The following PALM2AKAP2 variants were observed in gnomAD, a reference collection of about 807,000 sequenced individuals.
PALM2AKAP2 encodes the protein PALM2-AKAP2 fusion protein.
PALM2AKAP2 carries 37 observed loss-of-function variants against 71.5 expected under a neutral mutation model. The observed-to-expected ratio is 0.52, with a 90% confidence interval of 0.40 to 0.68. The LOEUF (loss-of-function observed/expected upper bound fraction) is 0.68, where lower values mean the gene tolerates loss of function less well. Ranked by LOEUF, PALM2AKAP2 falls within the 30% of genes least tolerant of loss-of-function variation. The pLI is 0.00. For synonymous variants in PALM2AKAP2, 468 were observed against 478.8 expected, an observed-to-expected ratio of 0.98 and a Z score of 0.29; for missense variants, 1,224 against 1,191.8, an observed-to-expected ratio of 1.03 and a Z score of -0.40.
upstream of PALM2AKAP2, among the ~76,000 whole-genome samples, chr9:109,777,522 A>G (rs1829365356): frequency 6.6e-6 from 1 of 152,198 alleles, no homozygotes; most frequent in Non-Finnish European, 1.5e-5. Context: ...GAGCTGAAAG[A>G]AGCAGTTTGT....
At chr9:109,670,255 C>G (rs1464786405) in intron 1 of PALM2AKAP2, among the ~76,000 whole-genome samples, 2 of 152,018 alleles carry the variant, frequency 1.3e-5, no homozygotes. Context: ...TTTTCCTGAT[C>G]CTCTCCCTCC....
chr9:109,970,391 G>A (rs1163395515), intron 6 of PALM2AKAP2, among the ~76,000 whole-genome samples: 5 of 152,182 alleles, frequency 3.3e-5, no homozygotes, highest in African/African-American at 1.2e-4. Context: ...CACTCACTTT[G>A]AGGAGCGCTG....
At chr9:109,912,875 G>A (rs918636075) in intron 3 of PALM2AKAP2, among the ~76,000 whole-genome samples, 39 of 152,192 alleles carry the variant, frequency 2.6e-4, no homozygotes, top group African/African-American at 9.2e-4. Context: ...ACCATGGGAC[G>A]AATTCACCCC....
chr9:109,928,138 T>C (rs1042635418), intron 5 of PALM2AKAP2, among the ~76,000 whole-genome samples: 1 of 152,228 alleles, frequency 6.6e-6, no homozygotes, highest in African/African-American at 2.4e-5. Flanking sequence ...GTTTCACTCT[T>C]GTCGCCCAGG....
At chr9:109,779,386 T>A (rs909588941), upstream of PALM2AKAP2, among the ~76,000 whole-genome samples, 15 of 152,204 alleles carry the variant, frequency 9.9e-5, no homozygotes, top group African/African-American at 3.6e-4. Flanking sequence ...TCCTTTCAGA[T>A]GCAATGAACA....
In PALM2AKAP2 at chr9:109,830,783, C is replaced by A. The variant is rs554014184; in HGVS notation, c.46-36708C>A. 1.5e-3 allele frequency among the ~76,000 whole-genome samples: 230 copies of A among 152,260 alleles called. 1 individual carries two copies. The highest frequency in any genetic ancestry group is 2.8e-3 in the Non-Finnish European group (192 of 68,022). ...ACAATCCTAAGTGGAAGGAAGAACTCCCCATGTTACCAGTGACGCAGCGGA... is the reference window on the plus strand; with the variant it reads ...ACAATCCTAAGTGGAAGGAAGAACTACCCATGTTACCAGTGACGCAGCGGA... On this transcript the variant is annotated intron_variant, in intron 1 of 9. Coordinates refer to the PALM2AKAP2 transcript ENST00000302798.
At chr9:109,681,947 A>G (rs558294776) in intron 1 of PALM2AKAP2, among the ~76,000 whole-genome samples, 45 of 152,334 alleles carry the variant, frequency 3.0e-4, no homozygotes, top group Middle Eastern at 3.4e-3. Flanking sequence ...GAACAGAAGC[A>G]TTTAAATGCC....
At chr9:109,896,648 A>G (rs937548866) in intron 3 of PALM2AKAP2, among the ~76,000 whole-genome samples, 1 of 151,942 alleles carries the variant, frequency 6.6e-6, no homozygotes, top group Admixed American at 6.6e-5. Context: ...TCATCTCTAC[A>G]AAAAATACAA....
At chr9:109,968,506 G>T (rs1032524976) in intron 6 of PALM2AKAP2, among the ~76,000 whole-genome samples, 1 of 152,132 alleles carries the variant, frequency 6.6e-6, no homozygotes, top group Non-Finnish European at 1.5e-5. Context: ...TCATCAACAG[G>T]AAACAGTACT....
intron 1 of PALM2AKAP2, among the ~76,000 whole-genome samples, chr9:109,679,617 G>T (rs886098012): frequency 2.6e-5 from 4 of 152,148 alleles, no homozygotes; most frequent in Admixed American, 6.5e-5. Flanking sequence ...AATGGGAGAT[G>T]CAGAGCTACT....
intron 2 of PALM2AKAP2, among the ~76,000 whole-genome samples, chr9:109,869,428 A>G (rs1014265561): frequency 9.9e-5 from 15 of 151,834 alleles, no homozygotes; most frequent in African/African-American, 2.4e-5. Context: ...TCCCAGGTTC[A>G]CGCCATTCTC....
intron 3 of PALM2AKAP2, among the ~76,000 whole-genome samples, chr9:110,157,196 C>T (rs1418878507): frequency 2.0e-5 from 3 of 152,192 alleles, no homozygotes; most frequent in Admixed American, 2.0e-4. Flanking sequence ...AGATCAGCCT[C>T]AGGGTTCATG....
intron 1 of PALM2AKAP2, among the ~76,000 whole-genome samples, chr9:109,762,413 A>G (rs1174557082): frequency 2.6e-5 from 4 of 152,216 alleles, no homozygotes; most frequent in African/African-American, 7.2e-5. Context: ...GAACTTTCCA[A>G]TGAAATTCCA....
chr9:109,961,128 A>C (rs891754280), intron 6 of PALM2AKAP2, among the ~76,000 whole-genome samples: 1 of 152,240 alleles, frequency 6.6e-6, no homozygotes, highest in African/African-American at 2.4e-5. Flanking sequence ...CATAACATGC[A>C]TACTACACCT....
At chr9:109,871,726 C>T (rs1438797358) in intron 2 of PALM2AKAP2, among the ~76,000 whole-genome samples, 1 of 152,062 alleles carries the variant, frequency 6.6e-6, no homozygotes, top group East Asian at 1.9e-4. Flanking sequence ...TAACATTAAC[C>T]TTTACCTCTT....
At chr9:109,955,698 A>T (rs1047264781) in intron 6 of PALM2AKAP2, among the ~76,000 whole-genome samples, 1 of 152,154 alleles carries the variant, frequency 6.6e-6, no homozygotes, top group Non-Finnish European at 1.5e-5. Context: ...AATTCAAAGG[A>T]CTAATGAAAC....
At chr9:110,076,743 T>C (rs931499978) in intron 1 of PALM2AKAP2, among the ~76,000 whole-genome samples, 1 of 152,056 alleles carries the variant, frequency 6.6e-6, no homozygotes, top group Non-Finnish European at 1.5e-5. Flanking sequence ...TTTAGATGCA[T>C]ATGGAAGACC....
At chr9:109,692,994 A>C (rs1301915725) in intron 1 of PALM2AKAP2, among the ~76,000 whole-genome samples, 1 of 151,656 alleles carries the variant, frequency 6.6e-6, no homozygotes, top group East Asian at 1.9e-4. Flanking sequence ...GCCTTATAAA[A>C]TAAACTTGAA....
At chr9:109,904,141 GC>G (rs1401287624) in intron 3 of PALM2AKAP2, among the ~76,000 whole-genome samples, 4 of 152,222 alleles carry the variant, frequency 2.6e-5, no homozygotes, top group African/African-American at 4.8e-5. Flanking sequence ...CTCCATGGAG[GC>G]GGGCAGTGTT....
Sources: allele counts gnomAD v4.1 joint callset (sites outside exome capture counted in the v4.1 genomes callset), GRCh38; gene constraint gnomAD v4.1.1; transcripts MANE v1.5; gene names NCBI Gene and HGNC (gene_info 2026-07-23, HGNC 2026-07-21).